Variants in KCNMB2 observed in about 807,000 individuals in gnomAD.
KCNMB2 encodes calcium-activated potassium channel subunit beta-2.
Under a neutral mutation model 24.5 loss-of-function variants are expected in KCNMB2, and 9 were observed. The ratio of observed to expected loss-of-function variants is 0.37; its 90% CI spans 0.22 to 0.64. The LOEUF (loss-of-function observed/expected upper bound fraction) is 0.64. Among genes scored for constraint, KCNMB2 ranks in the 30% least tolerant of loss-of-function variants. The pLI, the probability that KCNMB2 is intolerant of heterozygous loss-of-function variation, is 0.63. For missense variants in KCNMB2, 226 were observed against 284.3 expected (o/e 0.79, Z 1.47); for synonymous variants, 109 against 104.4 (o/e 1.04, Z -0.27).
At chr3:178,716,651 C>T (rs1334806045) in intron 1 of KCNMB2, among the ~76,000 whole-genome samples, 1 of 152,126 alleles carries the variant, frequency 6.6e-6, no homozygotes, top group Non-Finnish European at 1.5e-5. Flanking sequence ...CCATGTTGGC[C>T]AGGCTGGTCT....
rs1720350565 is a variant in KCNMB2 at position 178,656,556 on chromosome 3, C to CAGATCACCT, written c.-68+119845_-68+119846insAGATCACCT. 2.6e-5 allele frequency among the ~76,000 whole-genome samples: 4 copies of CAGATCACCT among 152,052 alleles called. No individual in the cohort carries two copies. In the South Asian group the frequency reaches 6.2e-4, roughly 24 times the overall value. On this transcript the variant is annotated intron_variant, in intron 1 of 4. Coordinates refer to ENST00000452583, the MANE Select transcript of KCNMB2 (RefSeq NM_181361.3). ...GGGAGGCTGAGGCAGGCAGATCACC[C>CAGATCACCT]GAGGTCAGGAGTTTGAGACCAGTCT...
chr3:178,603,786 C>T (rs951291790), intron 1 of KCNMB2, among the ~76,000 whole-genome samples: 1 of 152,158 alleles, frequency 6.6e-6, no homozygotes, highest in African/African-American at 2.4e-5. Flanking sequence ...AATTCTACTG[C>T]TTATTCTCAA....
At chr3:178,735,512 G>A (rs1486099222) in intron 1 of KCNMB2, among the ~76,000 whole-genome samples, 1 of 152,200 alleles carries the variant, frequency 6.6e-6, no homozygotes, top group Non-Finnish European at 1.5e-5. Flanking sequence ...GCCCAGTTTT[G>A]GAGGGTGTGT....
chr3:178,684,636 T>G (rs548393587), intron 1 of KCNMB2, among the ~76,000 whole-genome samples: 12 of 152,114 alleles, frequency 7.9e-5, no homozygotes, highest in Non-Finnish European at 1.8e-4. Context: ...GTGACCAGCC[T>G]GACCAACATG....
intron 1 of KCNMB2, chr3:178,537,449 TTC>T (rs1474367224): frequency 6.6e-6 from 1 of 152,230 alleles, no homozygotes; most frequent in African/African-American, 2.4e-5. Context: ...CATTTTACCT[TTC>T]TGTTTTGTTT....
intron 1 of KCNMB2, among the ~76,000 whole-genome samples, chr3:178,668,326 G>A (rs1440275530): frequency 3.3e-5 from 5 of 152,144 alleles, no homozygotes; most frequent in Non-Finnish European, 5.9e-5. Flanking sequence ...TTTCAGAGAA[G>A]ATAAAGAAGT....
chr3:178,563,580 A>G (rs866982935), intron 1 of KCNMB2, among the ~76,000 whole-genome samples: 3 of 152,230 alleles, frequency 2.0e-5, no homozygotes, highest in South Asian at 4.1e-4. Flanking sequence ...GTCTTGCATC[A>G]CATTTCACTT....
intron 1 of KCNMB2, among the ~76,000 whole-genome samples, chr3:178,614,347 G>GTA (rs1347983099): frequency 4.8e-5 from 5 of 104,732 alleles, no homozygotes; most frequent in East Asian, 5.1e-4. Context: ...ATATATATAT[G>GTA]TATATATATA....
chr3:178,618,402 C>T (rs1385967146), intron 1 of KCNMB2, among the ~76,000 whole-genome samples: 1 of 152,146 alleles, frequency 6.6e-6, no homozygotes, highest in South Asian at 2.1e-4. Context: ...ACAGAGCCTG[C>T]GTGCTGAATC....
At chr3:178,556,340 A>G (rs931443254) in intron 1 of KCNMB2, among the ~76,000 whole-genome samples, 19 of 152,230 alleles carry the variant, frequency 1.2e-4, no homozygotes, top group African/African-American at 4.3e-4. Context: ...ATTTAATGGC[A>G]ACTAGTGTAG....
chr3:178,679,901 T>A (rs373053666), intron 1 of KCNMB2, among the ~76,000 whole-genome samples: 3 of 151,904 alleles, frequency 2.0e-5, no homozygotes, highest in Admixed American at 2.0e-4. Context: ...AGAGGGTGAG[T>A]GAAAATGCCC....
intron 1 of KCNMB2, among the ~76,000 whole-genome samples, chr3:178,611,964 T>A (rs1355277670): frequency 6.6e-6 from 1 of 152,176 alleles, no homozygotes; most frequent in African/African-American, 2.4e-5. Context: ...CGTTATTATT[T>A]GTTTAAGAAA....
intron 1 of KCNMB2, among the ~76,000 whole-genome samples, chr3:178,789,583 A>T (rs1713242693): frequency 6.6e-6 from 1 of 152,202 alleles, no homozygotes; most frequent in South Asian, 2.1e-4. Flanking sequence ...ACAGAAAAAG[A>T]ATCTGTGTGC....
rs181298701 is a variant in KCNMB2, at chr3:178,627,156, G to A, written c.-68+90445G>A. On this transcript the variant is annotated intron_variant, in intron 1 of 4. Coordinates refer to ENST00000452583, the MANE Select transcript of KCNMB2 (RefSeq NM_181361.3). ...CATTGAGATTTATTTTATTCTCTCC[G>A]TGTTAAAAGTCTAAACTTCTGAAGT... 1.5e-4 allele frequency among the ~76,000 whole-genome samples: 23 copies of A among 152,086 alleles called. No individual in the cohort carries two copies. The South Asian group carries it at 1.9e-3, about 12-fold the overall frequency.
intron 1 of KCNMB2, among the ~76,000 whole-genome samples, chr3:178,738,509 C>T (rs1723389431): frequency 6.6e-6 from 1 of 152,194 alleles, no homozygotes; most frequent in South Asian, 2.1e-4. Flanking sequence ...TACAACTCTT[C>T]CTCATTATTC....
intron 2 of KCNMB2, among the ~76,000 whole-genome samples, chr3:178,810,883 C>T (rs911625863): frequency 6.5e-4 from 98 of 151,348 alleles, no homozygotes; most frequent in African/African-American, 2.1e-3. Flanking sequence ...TACAGGCGCC[C>T]GCCACCACAC....
chr3:178,664,804 G>T (rs1720660418), intron 1 of KCNMB2, among the ~76,000 whole-genome samples: 1 of 152,024 alleles, frequency 6.6e-6, no homozygotes, highest in Admixed American at 6.6e-5. Context: ...TAAAAAAGTA[G>T]CATTAGATGA....
At chr3:178,661,803 G>A (rs1038361570) in intron 1 of KCNMB2, among the ~76,000 whole-genome samples, 18 of 152,186 alleles carry the variant, frequency 1.2e-4, no homozygotes, top group African/African-American at 4.3e-4. Flanking sequence ...TACACACATT[G>A]AAGTGTGAGA....
chr3:178,641,308 C>T (rs917141889), intron 1 of KCNMB2, among the ~76,000 whole-genome samples: 2 of 152,050 alleles, frequency 1.3e-5, no homozygotes, highest in Non-Finnish European at 2.9e-5. Flanking sequence ...AATATTAAGT[C>T]TTCTAAATCA....
Sources: allele counts gnomAD v4.1 joint callset (sites outside exome capture counted in the v4.1 genomes callset), GRCh38; gene constraint gnomAD v4.1.1; transcripts MANE v1.5; gene names NCBI Gene and HGNC (gene_info 2026-07-23, HGNC 2026-07-21).